MAPK10: variants seen among roughly 807,000 people sequenced by gnomAD.
MAPK10 encodes mitogen-activated protein kinase 10, also known as JNK3 alpha protein kinase.
MAPK10 carries 25 observed loss-of-function variants against 59.3 expected under a neutral mutation model. The observed-to-expected ratio is 0.42, with a 90% CI of 0.31 to 0.59. The LOEUF is 0.59. Among genes scored for constraint, MAPK10 ranks in the 20% least tolerant of loss-of-function variants. MAPK10 has a pLI of 0.15. For missense variants in MAPK10, 351 were observed against 568.9 expected, an observed-to-expected ratio of 0.62 and a Z score of 3.90; for synonymous variants, 190 against 200.5, an observed-to-expected ratio of 0.95 and a Z score of 0.44.
chr4:86,029,415 T>C, intron 12 of MAPK10, 141 bp from the exon 13 acceptor site: 1 of 612,474 alleles, frequency 1.6e-6, no homozygotes. Context: ...CTGCTCTATT[T>C]CTATTTCTAT....
intron 9 of MAPK10, among the ~76,000 whole-genome samples, chr4:86,089,847 G>A (rs560129117): frequency 2.0e-5 from 3 of 152,198 alleles, no homozygotes; most frequent in South Asian, 2.1e-4. Flanking sequence ...CTCATCAAAG[G>A]AGCATGTTTC....
chr4:86,573,623 C>T (rs1041184825), intron 1 of MAPK10, among the ~76,000 whole-genome samples: 4 of 152,170 alleles, frequency 2.6e-5, no homozygotes, highest in African/African-American at 9.7e-5. Flanking sequence ...AATTTCTACT[C>T]AAAAAGCTGC....
intron 1 of MAPK10, among the ~76,000 whole-genome samples, chr4:86,417,278 C>T (rs1745977185): frequency 6.6e-6 from 1 of 152,014 alleles, no homozygotes; most frequent in East Asian, 1.9e-4. Context: ...AAAAATAAAG[C>T]CCAATATCAA....
chr4:86,543,279 C>A (rs548347167), intron 1 of MAPK10, among the ~76,000 whole-genome samples: 2 of 152,142 alleles, frequency 1.3e-5, no homozygotes, highest in East Asian at 3.8e-4. Flanking sequence ...AAAACTATGA[C>A]CTCATCAAAC....
intron 2 of MAPK10, among the ~76,000 whole-genome samples, chr4:86,286,418 GATA>G (rs1272447076): frequency 6.6e-6 from 1 of 152,038 alleles, no homozygotes; most frequent in Non-Finnish European, 1.5e-5. Flanking sequence ...GAATAGTAAT[GATA>G]ATAATAATAA....
chr4:86,565,810 T>A (rs1761019829), intron 1 of MAPK10, among the ~76,000 whole-genome samples: 1 of 152,162 alleles, frequency 6.6e-6, no homozygotes, highest in Admixed American at 6.5e-5. Flanking sequence ...TACTTGTCCT[T>A]CCTCATCACG....
intron 1 of MAPK10, among the ~76,000 whole-genome samples, chr4:86,368,604 C>A (rs1045467318): frequency 6.6e-6 from 1 of 152,122 alleles, no homozygotes; most frequent in Non-Finnish European, 1.5e-5. Flanking sequence ...TACTTTGAAC[C>A]AACTGTTATT....
chr4:86,568,605 C>G (rs1761226937), intron 1 of MAPK10, among the ~76,000 whole-genome samples: 1 of 152,020 alleles, frequency 6.6e-6, no homozygotes, highest in Non-Finnish European at 1.5e-5. Flanking sequence ...ACACACAGAT[C>G]AATGAGACAG....
chr4:86,206,987 T>G (rs1472579796), intron 2 of MAPK10, among the ~76,000 whole-genome samples: 1 of 152,030 alleles, frequency 6.6e-6, no homozygotes, highest in East Asian at 1.9e-4. Context: ...TTTCTCCCAT[T>G]TTGTAGGTTG....
chr4:86,456,677 CA>C (rs966475332), upstream of MAPK10, among the ~76,000 whole-genome samples: 32 of 151,596 alleles, frequency 2.1e-4, no homozygotes, highest in Non-Finnish European at 3.7e-4. Flanking sequence ...AAATTACCAA[CA>C]AAAAAAAGTC....
At chr4:86,050,124 T>C (rs1338926905) in intron 11 of MAPK10, among the ~76,000 whole-genome samples, 1 of 152,070 alleles carries the variant, frequency 6.6e-6, no homozygotes, top group Non-Finnish European at 1.5e-5. Context: ...CTCTTCCACC[T>C]CCATTTCACT....
At chr4:86,018,756 C>G (rs1744712952) in intron 13 of MAPK10, among the ~76,000 whole-genome samples, 1 of 152,066 alleles carries the variant, frequency 6.6e-6, no homozygotes, top group South Asian at 2.1e-4. Context: ...TAGTATAGTC[C>G]CCTAATCAAA....
intron 2 of MAPK10, among the ~76,000 whole-genome samples, chr4:86,276,502 G>A (rs1353182866): frequency 6.6e-6 from 1 of 152,126 alleles, no homozygotes; most frequent in Non-Finnish European, 1.5e-5. Flanking sequence ...ACAGTGCAAA[G>A]ATAGATAAGC....
intron 1 of MAPK10, among the ~76,000 whole-genome samples, chr4:86,382,528 A>G (rs576548270): frequency 6.6e-6 from 1 of 152,170 alleles, no homozygotes; most frequent in African/African-American, 2.4e-5. Flanking sequence ...ATTTGCGGAT[A>G]TGGGCTGTGA....
chr4:86,291,964 AG>A (rs2095240869), intron 2 of MAPK10, among the ~76,000 whole-genome samples: 1 of 152,196 alleles, frequency 6.6e-6, no homozygotes. Context: ...CTCAAGAAAA[AG>A]GACCATTACA....
intron 1 of MAPK10, among the ~76,000 whole-genome samples, chr4:86,481,997 C>G (rs1364019682): frequency 5.3e-5 from 8 of 152,038 alleles, no homozygotes. Flanking sequence ...AATACAAGAC[C>G]AGGGAAAACA....
At chr4:86,299,336 T>C (rs1282158876) in intron 2 of MAPK10, among the ~76,000 whole-genome samples, 1 of 152,208 alleles carries the variant, frequency 6.6e-6, no homozygotes, top group East Asian at 1.9e-4. Context: ...CCAAAATTCA[T>C]ATGCTGAAAT....
chr4:86,318,257 A>G (rs1370996506), intron 2 of MAPK10, among the ~76,000 whole-genome samples: 1 of 152,224 alleles, frequency 6.6e-6, no homozygotes, highest in African/African-American at 2.4e-5. Context: ...GATTTTATGT[A>G]GAATTCAAAA....
intron 2 of MAPK10, among the ~76,000 whole-genome samples, chr4:86,296,593 A>C (rs2095366415): frequency 6.6e-6 from 1 of 152,230 alleles, no homozygotes; most frequent in African/African-American, 2.4e-5. Context: ...TGACTGGCAA[A>C]CATAGAACTG....
Sources: gnomAD v4.1 joint callset for allele counts (sites outside exome capture counted in the v4.1 genomes callset) on GRCh38, gnomAD v4.1.1 for gene constraint, MANE v1.5 for transcripts, NCBI Gene and HGNC (gene_info 2026-07-23, HGNC 2026-07-21) for gene names.